Variants in TESC observed in about 807,000 individuals in gnomAD.
The protein encoded by TESC is tescalcin.
TESC carries 19 observed loss-of-function variants against 31.0 expected under a neutral mutation model. The observed-to-expected ratio is 0.61, with a 90% confidence interval of 0.43 to 0.90. TESC has a LOEUF of 0.90. Ranked by LOEUF, TESC falls within the 40% of genes least tolerant of loss-of-function variation. TESC has a pLI of 0.00. For synonymous variants in TESC, 109 were observed against 114.8 expected (o/e 0.95, Z 0.32); for missense variants, 248 against 303.8 (o/e 0.82, Z 1.36).
intron 2 of TESC, among the ~76,000 whole-genome samples, chr12:117,073,818 G>A (rs913778106): frequency 1.3e-5 from 2 of 152,098 alleles, no homozygotes; most frequent in Non-Finnish European, 2.9e-5. Flanking sequence ...AGCAGCACTC[G>A]CTTGTAATCC....
Position 117,049,099 on chromosome 12 carries a change from G to T in TESC, c.269C>A (p.Thr90Asn). 1 of 1,614,230 alleles carries T rather than the reference G, an allele frequency of 6.2e-7. No individual in the cohort carries two copies. The highest frequency in any genetic ancestry group is 1.1e-5 in the South Asian group (1 of 91,088). The change falls in exon 4 of 8, where the codon ACC (threonine) becomes AAC (asparagine). Residue 90 changes from threonine (T) to asparagine (N), a missense_variant. Transcript: ENST00000335209. ...GATGGGCCGGAAGTAGGACATGATGGTCAGGAAGTCCTCGAAATTGATCTC... is the reference window on the plus strand; with the variant it reads ...GATGGGCCGGAAGTAGGACATGATGTTCAGGAAGTCCTCGAAATTGATCTC... Reference protein sequence around the residue: ...ADEINFEDFLTIMSYFRPIDT... With the variant: ...ADEINFEDFLNIMSYFRPIDT...
chr12:117,065,837 G>A (rs1012556092), intron 2 of TESC, among the ~76,000 whole-genome samples: 1 of 152,120 alleles, frequency 6.6e-6, no homozygotes, highest in East Asian at 1.9e-4. Context: ...AGCTGAGATC[G>A]AACCACCACA....
rs116097217 is a variant in TESC, at chr12:117,063,449, T to C, written c.129-6563A>G. Among the ~76,000 whole-genome samples the C allele has an allele frequency of 4.0e-3, 606 of 152,172 alleles. 3 individuals carry two copies. Among genetic ancestry groups the C allele is most frequent in the African/African-American group, 0.013 (524 of 41,512 alleles). ...CCAGGCTCAAAAAACCACCGAGGAC[T>C]GTGCTGGGCTCTTCCTCAAGCCTCG... On this transcript the variant is annotated intron_variant, in intron 2 of 7. Transcript: ENST00000335209.
intron 2 of TESC, among the ~76,000 whole-genome samples, chr12:117,067,408 AT>A (rs561251698): frequency 9.2e-5 from 14 of 151,820 alleles, no homozygotes; most frequent in Middle Eastern, 6.8e-3. Flanking sequence ...CTACAAAAAA[AT>A]TTTTTTTTAA....
At chr12:117,050,276 G>C (rs1249552622) in intron 3 of TESC, among the ~76,000 whole-genome samples, 1 of 152,230 alleles carries the variant, frequency 6.6e-6, no homozygotes, top group Admixed American at 6.5e-5. Context: ...CTGAGTAGCT[G>C]CAACAGAGAC....
chr12:117,089,910 C>T (rs1955283398), intron 1 of TESC, among the ~76,000 whole-genome samples: 1 of 151,928 alleles, frequency 6.6e-6, no homozygotes, highest in African/African-American at 2.4e-5. Context: ...TAAATCCACA[C>T]CCAGACATAG....
intron 2 of TESC, among the ~76,000 whole-genome samples, chr12:117,071,416 G>T (rs1481753527): frequency 6.6e-6 from 1 of 151,276 alleles, no homozygotes; most frequent in African/African-American, 2.4e-5. Flanking sequence ...TTGGGATGGG[G>T]CACCCCCAGA....
At chr12:117,074,055 T>A (rs1185220690) in intron 2 of TESC, among the ~76,000 whole-genome samples, 1 of 151,448 alleles carries the variant, frequency 6.6e-6, no homozygotes, top group African/African-American at 2.4e-5. Context: ...GAGACCCCCA[T>A]CTCTACAAAA....
chr12:117,076,272 G>A (rs1479264648), intron 1 of TESC, among the ~76,000 whole-genome samples: 1 of 151,922 alleles, frequency 6.6e-6, no homozygotes, highest in African/African-American at 2.4e-5. Flanking sequence ...GACATGATCT[G>A]GGAAACCTAC....
At chr12:117,060,770 C>A (rs868372201) in intron 2 of TESC, among the ~76,000 whole-genome samples, 1 of 152,192 alleles carries the variant, frequency 6.6e-6, no homozygotes, top group African/African-American at 2.4e-5. Context: ...ACCAGATACC[C>A]TGCTGCCCGA....
At chr12:117,056,317 A>G (rs1954723778) in intron 3 of TESC, among the ~76,000 whole-genome samples, 1 of 142,786 alleles carries the variant, frequency 7.0e-6, no homozygotes, top group Non-Finnish European at 1.5e-5. Context: ...TTGGCCTCCC[A>G]AAGTGCTGGG....
At position 117,038,936 on chromosome 12, in the gene TESC, C is replaced by CA; in HGVS notation, c.*196_*197insT. On this transcript the variant is annotated 3_prime_UTR_variant, in exon 8 of 8. Coordinates refer to ENST00000335209, the MANE Select transcript of TESC (RefSeq NM_017899.4). The stretch of plus-strand genomic sequence containing the variant: ...ACAGAGGCCACATTAATTAACAAAC[C>CA]TTTTTTTTTTTTTTATTGGAGATAA... The CA allele has an allele frequency of 2.1e-6, 1 of 479,808 alleles. No individual in the cohort carries two copies. Among genetic ancestry groups the CA allele is most frequent in the Non-Finnish European group, 3.7e-6 (1 of 272,592 alleles). 29.7% of individuals were successfully genotyped at this position (479,808 alleles called of 1,614,324 possible).
At chr12:117,053,739 C>T (rs12305518) in intron 3 of TESC, among the ~76,000 whole-genome samples, 2,468 of 152,156 alleles carry the variant, frequency 0.016, 77 homozygotes, top group African/African-American at 0.056. Context: ...CTCTCGCGTG[C>T]GCGCGCACGC....
chr12:117,066,221 TTTTGGG>T (rs1954878198), intron 2 of TESC, among the ~76,000 whole-genome samples: 1 of 145,104 alleles, frequency 6.9e-6, no homozygotes, highest in Non-Finnish European at 1.5e-5. Context: ...TTTTTTTTTT[TTTTGGG>T]GCAGGGCTTC....
chr12:117,047,855 C>T (rs1313825735), intron 4 of TESC, among the ~76,000 whole-genome samples: 9 of 152,262 alleles, frequency 5.9e-5, no homozygotes, highest in African/African-American at 2.2e-4. Flanking sequence ...ACCCTCCCAC[C>T]CCAGTCTCCC....
intron 2 of TESC, among the ~76,000 whole-genome samples, chr12:117,062,137 T>A (rs12228058): frequency 0.042 from 6,400 of 152,144 alleles, 336 homozygotes; most frequent in South Asian, 0.12. Context: ...ACCCTCAAAA[T>A]GGAAGGAACT....
At position 117,075,875 on chromosome 12, in the gene TESC, G is replaced by GTATATA. The variant is rs528031954; in HGVS notation, c.59-541_59-536dup. Among the ~76,000 whole-genome samples the GTATATA allele has an allele frequency of 1.6e-3, 100 of 62,510 alleles. 2 individuals are homozygous for GTATATA. Among genetic ancestry groups the GTATATA allele is most frequent in the Non-Finnish European group, 2.4e-3 (87 of 36,056 alleles). The allele number at this position is 62,510 out of a possible 152,430, so 41.0% of individuals were successfully genotyped here. A position where few individuals can be genotyped will look rare whatever the true frequency, so the allele number is the denominator to read the frequency against. ...TATATATATATATATATATATGTGTGTATATATATATATATATATATATAT... is the reference window on the plus strand; with the variant it reads ...TATATATATATATATATATATGTGTGTATATATATATATATATATATATATATATAT... On this transcript the variant is annotated intron_variant, in intron 1 of 7. Coordinates refer to ENST00000335209, the MANE Select transcript of TESC (RefSeq NM_017899.4).
intron 2 of TESC, among the ~76,000 whole-genome samples, chr12:117,064,603 C>T (rs1000156292): frequency 6.6e-6 from 1 of 152,160 alleles, no homozygotes; most frequent in South Asian, 2.1e-4. Flanking sequence ...CGATCCCTTA[C>T]GGGGAATCTA....
chr12:117,039,900 C>A (rs1954456546), intron 7 of TESC, among the ~76,000 whole-genome samples: 1 of 152,260 alleles, frequency 6.6e-6, no homozygotes, highest in African/African-American at 2.4e-5. Flanking sequence ...CATGTATGTA[C>A]CCCAGTGCTC....
Sources: allele counts gnomAD v4.1 joint callset (sites outside exome capture counted in the v4.1 genomes callset), GRCh38; gene constraint gnomAD v4.1.1; transcripts MANE v1.5; gene names NCBI Gene and HGNC (gene_info 2026-07-23, HGNC 2026-07-21).